The following CUL3 variants were observed in gnomAD, a reference collection of about 807,000 sequenced individuals.
CUL3 encodes the protein cullin 3.
CUL3 carries 19 observed loss-of-function variants against 89.1 expected under a neutral mutation model. The ratio of observed to expected loss-of-function variants is 0.21; its 90% CI spans 0.15 to 0.31. The LOEUF (loss-of-function observed/expected upper bound fraction) is 0.31. CUL3 is among the 10% of genes least tolerant of loss of function. CUL3 has a pLI of 1.00. For synonymous variants in CUL3, 351 were observed against 308.4 expected, an observed-to-expected ratio of 1.14 and a Z score of -1.45; for missense variants, 469 against 942.3, an observed-to-expected ratio of 0.50 and a Z score of 6.58.
intron 2 of CUL3, among the ~76,000 whole-genome samples, chr2:224,553,754 C>A (rs181779667): frequency 1.7e-4 from 26 of 152,264 alleles, no homozygotes; most frequent in African/African-American, 6.3e-4. Context: ...TGTCTATAGA[C>A]CAGGAAGGGG....
chr2:224,535,729 G>T, intron 2 of CUL3, 88 bp from the exon 3 acceptor site: 1 of 779,762 alleles, frequency 1.3e-6, no homozygotes. Context: ...ATAAAATAAT[G>T]AAGTGGAATC....
At position 224,513,133 on chromosome 2, in the gene CUL3, A is replaced by G. The variant is rs147242632; in HGVS notation, c.654+391T>C. Among the ~76,000 whole-genome samples, 32 of 152,358 alleles carry G rather than the reference A, an allele frequency of 2.1e-4. 1 individual carries two copies. Among genetic ancestry groups the G allele is most frequent in the African/African-American group, 7.5e-4 (31 of 41,584 alleles). ...TGTAAGAGTACAATATGCAATACAT[A>G]TACAAAATATATGCTAATCAACTGT... On this transcript the variant is annotated intron_variant, in intron 5 of 15. Coordinates refer to ENST00000264414, the MANE Select transcript of CUL3 (RefSeq NM_003590.5).
chr2:224,558,020 A>G (rs938243201), intron 1 of CUL3, among the ~76,000 whole-genome samples, 164 bp from the exon 2 acceptor site: 3 of 149,374 alleles, frequency 2.0e-5, no homozygotes, highest in African/African-American at 5.1e-5. Flanking sequence ...TAACAGGGGG[A>G]AAAAAAGGAT....
chr2:224,542,794 C>T (rs745443227), intron 2 of CUL3, among the ~76,000 whole-genome samples: 4 of 152,072 alleles, frequency 2.6e-5, no homozygotes, highest in Non-Finnish European at 5.9e-5. Context: ...AGTCAAATTA[C>T]TGGTAAAGAG....
chr2:224,519,147 T>C (rs1693172391), intron 3 of CUL3, among the ~76,000 whole-genome samples: 2 of 152,228 alleles, frequency 1.3e-5, no homozygotes, highest in South Asian at 4.1e-4. Context: ...ATTCCACAAC[T>C]GACCTCATGC....
chr2:224,539,357 T>G (rs1694009880), intron 2 of CUL3, among the ~76,000 whole-genome samples: 1 of 152,188 alleles, frequency 6.6e-6, no homozygotes, highest in Non-Finnish European at 1.5e-5. Context: ...CCAGTGGGAA[T>G]GTAACATGGT....
At chr2:224,499,963 A>G (rs1692315374) in intron 11 of CUL3, 1 of 153,692 alleles carries the variant, frequency 6.5e-6, no homozygotes, top group African/African-American at 2.4e-5. Context: ...CAAAACTGCC[A>G]TCTCAGAGAC....
intron 3 of CUL3, among the ~76,000 whole-genome samples, chr2:224,534,987 C>T (rs1226590232): frequency 1.2e-4 from 18 of 148,476 alleles, no homozygotes; most frequent in Admixed American, 4.0e-4. Context: ...GGGAACAGAG[C>T]GAGACCCCGT....
chr2:224,504,638 T>A (rs1692522077), intron 8 of CUL3, among the ~76,000 whole-genome samples: 1 of 152,216 alleles, frequency 6.6e-6, no homozygotes, highest in African/African-American at 2.4e-5. Flanking sequence ...GCAAAAGGAT[T>A]CTGTGGCAGG....
In CUL3 at chr2:224,567,041, G is replaced by A. The variant is rs146410838; in HGVS notation, c.67-9185C>T. Reference sequence around the variant, plus strand: ...GTCATGACTTTTCTCTGCTTTTTGGGAGCACTTCCAGGTTCACTGGGGGCA... The same window carrying A: ...GTCATGACTTTTCTCTGCTTTTTGGAAGCACTTCCAGGTTCACTGGGGGCA... On this transcript the variant is annotated intron_variant, in intron 1 of 15. Coordinates refer to ENST00000264414, the MANE Select transcript of CUL3 (RefSeq NM_003590.5). Among the ~76,000 whole-genome samples the A allele has an allele frequency of 9.1e-3, 1,383 of 152,146 alleles. 11 individuals are homozygous for A. The highest frequency in any genetic ancestry group is 0.014 in the Admixed American group (217 of 15,290).
chr2:224,481,598 C>CT (rs1691540357), intron 14 of CUL3, among the ~76,000 whole-genome samples: 1 of 152,044 alleles, frequency 6.6e-6, no homozygotes, highest in Non-Finnish European at 1.5e-5. Flanking sequence ...TAGTTAACAA[C>CT]TTAAAAACAA....
chr2:224,487,187 C>G (rs1246898397), intron 13 of CUL3, among the ~76,000 whole-genome samples: 1 of 152,070 alleles, frequency 6.6e-6, no homozygotes, highest in African/African-American at 2.4e-5. Flanking sequence ...AGACTATTGA[C>G]ACTATGAAGA....
At chr2:224,564,055 G>A (rs376866359) in intron 1 of CUL3, among the ~76,000 whole-genome samples, 1 of 152,202 alleles carries the variant, frequency 6.6e-6, no homozygotes, top group Middle Eastern at 3.2e-3. Context: ...GGAGGCCCAG[G>A]TGGACAGTTC....
intron 13 of CUL3, among the ~76,000 whole-genome samples, chr2:224,486,978 G>C (rs570563468): frequency 6.6e-6 from 1 of 152,238 alleles, no homozygotes; most frequent in South Asian, 2.1e-4. Context: ...ATCTTAAAGA[G>C]AAGAATGTTC....
Position 224,565,811 on chromosome 2 carries a change from C to T in CUL3, c.67-7955G>A, listed in dbSNP as rs565971277. 6.6e-5 allele frequency among the ~76,000 whole-genome samples: 10 copies of T among 152,322 alleles called. 1 individual carries two copies. In the East Asian group the frequency reaches 1.7e-3, roughly 26 times the overall value. On this transcript the variant is annotated intron_variant, in intron 1 of 15. Transcript: ENST00000264414. ...CACTCCTCACTTTACCACAGTCTTTCGTGATTCTGACTGGCTCTGTTGTAA... is the reference window on the plus strand; with the variant it reads ...CACTCCTCACTTTACCACAGTCTTTTGTGATTCTGACTGGCTCTGTTGTAA...
chr2:224,534,253 T>C (rs1483580029), intron 3 of CUL3, among the ~76,000 whole-genome samples: 1 of 152,208 alleles, frequency 6.6e-6, no homozygotes, highest in African/African-American at 2.4e-5. Context: ...AAGTCAGTGT[T>C]TTCCAAATGA....
intron 3 of CUL3, among the ~76,000 whole-genome samples, chr2:224,517,434 A>C (rs1236802023): frequency 1.3e-5 from 2 of 152,200 alleles, no homozygotes; most frequent in East Asian, 3.9e-4. Context: ...GCACTTTGGG[A>C]GGCCGAAGCA....
intron 2 of CUL3, among the ~76,000 whole-genome samples, chr2:224,536,425 T>TC: frequency 6.6e-6 from 1 of 152,254 alleles, no homozygotes; most frequent in East Asian, 1.9e-4. Flanking sequence ...AATTTGTTTT[T>TC]TGTCATAGCA....
chr2:224,557,203 C>A (rs1254181961), intron 2 of CUL3, among the ~76,000 whole-genome samples: 1 of 152,002 alleles, frequency 6.6e-6, no homozygotes, highest in Admixed American at 6.6e-5. Context: ...AATAATTTAT[C>A]TTTAAAAAAA....
Sources: gnomAD v4.1 joint callset for allele counts (sites outside exome capture counted in the v4.1 genomes callset) on GRCh38, gnomAD v4.1.1 for gene constraint, MANE v1.5 for transcripts, NCBI Gene and HGNC (gene_info 2026-07-23, HGNC 2026-07-21) for gene names.